DNAAF4: variants seen among roughly 807,000 people sequenced by gnomAD.
DNAAF4 encodes dynein assembly factor 4, axonemal.
A neutral mutation model predicts 51.8 loss-of-function variants in DNAAF4; 43 were observed. The ratio of observed to expected loss-of-function variants is 0.83; its 90% CI spans 0.65 to 1.07. The LOEUF is 1.07. DNAAF4 is among the 50% of genes least tolerant of loss of function. DNAAF4 has a pLI of 0.00. For synonymous variants in DNAAF4, 194 were observed against 165.6 expected (o/e 1.17, Z -1.32); for missense variants, 581 against 493.0 (o/e 1.18, Z -1.69).
In DNAAF4 at chr15:55,498,421, C is replaced by T; in HGVS notation, c.-92G>A. The T allele has an allele frequency of 6.6e-7, 1 of 1,505,954 alleles. No homozygotes were observed. 93.3% of individuals were successfully genotyped at this position (1,505,954 alleles called of 1,614,324 possible). Reference sequence around the variant, plus strand: ...CTGGGGTTACCATGCGCCAGCCCTTCCGGGTCAGGCCGGCCGGGAGCCCGG... The same window carrying T: ...CTGGGGTTACCATGCGCCAGCCCTTTCGGGTCAGGCCGGCCGGGAGCCCGG... On this transcript the variant is annotated 5_prime_UTR_variant, in exon 2 of 10. Transcript: ENST00000321149.
chr15:55,458,256 G>A (rs2058047844), intron 5 of DNAAF4, among the ~76,000 whole-genome samples: 1 of 152,138 alleles, frequency 6.6e-6, no homozygotes, highest in Admixed American at 6.6e-5. Context: ...GGCACTAGAG[G>A]AAGGTGAAAA....
At chr15:55,427,301 C>T (rs182324072), downstream of DNAAF4, among the ~76,000 whole-genome samples, 6 of 152,202 alleles carry the variant, frequency 3.9e-5, no homozygotes, top group African/African-American at 1.2e-4. Context: ...CTCCTGGCCT[C>T]GTGATCCACT....
Position 55,430,631 on chromosome 15 carries a change from A to G in DNAAF4, c.*39T>C. On this transcript the variant is annotated 3_prime_UTR_variant, in exon 10 of 10. Transcript: ENST00000321149. ...TACAAAGATGCCTCCAGTTGTTTTT[A>G]AAAAACTTATAACAATACTTAGTTA... The G allele has an allele frequency of 6.3e-7, 1 of 1,594,858 alleles. No homozygotes were observed. The highest frequency in any genetic ancestry group is 8.5e-7 in the Non-Finnish European group (1 of 1,171,690).
chr15:55,459,279 T>G (rs542497067), intron 5 of DNAAF4, among the ~76,000 whole-genome samples: 3 of 152,190 alleles, frequency 2.0e-5, no homozygotes, highest in African/African-American at 7.2e-5. Context: ...AGAGGCGAGA[T>G]AAAGTCTTTT....
In DNAAF4 at chr15:55,473,305, ATGTGTGTATATATG is replaced by A. The variant is rs1320273400; in HGVS notation, c.406-6158_406-6145del. On this transcript the variant is annotated intron_variant, in intron 4 of 9. Coordinates refer to ENST00000321149, the MANE Select transcript of DNAAF4 (RefSeq NM_130810.4). The stretch of plus-strand genomic sequence containing the variant: ...TATGTGTATATATATGTGTATATAT[ATGTGTGTATATATG>A]TGTGTATATATATGTGTGTATATAT... 1.0e-3 allele frequency among the ~76,000 whole-genome samples: 143 copies of A among 141,260 alleles called. 3 individuals are homozygous for A. The highest frequency in any genetic ancestry group is 3.4e-3 in the African/African-American group (128 of 37,824). The allele number at this position is 141,260 out of a possible 152,430, so 92.7% of individuals were successfully genotyped here. A position where few individuals can be genotyped will look rare whatever the true frequency, so the allele number is the denominator to read the frequency against.
At chr15:55,493,610 G>C (rs998381774) in intron 3 of DNAAF4, among the ~76,000 whole-genome samples, 6 of 152,270 alleles carry the variant, frequency 3.9e-5, no homozygotes, top group East Asian at 1.9e-4. Flanking sequence ...TAATGAGGTA[G>C]ACAGTCTACG....
At chr15:55,442,793 T>C (rs1458804889) in intron 6 of DNAAF4, 5 of 1,608,526 alleles carry the variant, frequency 3.1e-6, no homozygotes, top group Non-Finnish European at 3.4e-6. Flanking sequence ...CAAAGAGGGA[T>C]AGGTCTTTTA....
intron 4 of DNAAF4, among the ~76,000 whole-genome samples, chr15:55,488,253 C>T (rs2058520833): frequency 6.6e-6 from 1 of 151,952 alleles, no homozygotes; most frequent in African/African-American, 2.4e-5. Context: ...GTTAGGGTAG[C>T]CCAAGCAGAA....
At chr15:55,437,100 A>G in intron 7 of DNAAF4, among the ~76,000 whole-genome samples, 1 of 152,138 alleles carries the variant, frequency 6.6e-6, no homozygotes, top group Non-Finnish European at 1.5e-5. Flanking sequence ...TACAGGCGTG[A>G]GCCACCGCAC....
chr15:55,446,259 CG>C (rs2057807928), intron 6 of DNAAF4, among the ~76,000 whole-genome samples: 1 of 99,438 alleles, frequency 1.0e-5, no homozygotes, highest in Non-Finnish European at 1.9e-5. Context: ...ACCTCCTAGA[CG>C]GGGCGGCCGG....
At chr15:55,431,354 G>A (rs942259996) in intron 9 of DNAAF4, among the ~76,000 whole-genome samples, 1 of 102,800 alleles carries the variant, frequency 9.7e-6, no homozygotes, top group East Asian at 2.8e-4. Context: ...GCTTAGGTGT[G>A]TGTATACACA....
At chr15:55,477,559 A>G (rs1210193030) in intron 4 of DNAAF4, among the ~76,000 whole-genome samples, 2 of 152,100 alleles carry the variant, frequency 1.3e-5, no homozygotes, top group East Asian at 1.9e-4. Context: ...CCTGAAGTAG[A>G]TTGTGATCAG....
At chr15:55,481,579 T>C (rs2058411015) in intron 4 of DNAAF4, among the ~76,000 whole-genome samples, 1 of 152,182 alleles carries the variant, frequency 6.6e-6, no homozygotes, top group Admixed American at 6.5e-5. Flanking sequence ...AGTCACCCTC[T>C]CTCCACTAGA....
At chr15:55,441,502 G>A (rs577223482) in intron 6 of DNAAF4, among the ~76,000 whole-genome samples, 2 of 152,094 alleles carry the variant, frequency 1.3e-5, no homozygotes, top group East Asian at 3.9e-4. Flanking sequence ...CCATGTTGGT[G>A]TGCTGCACCC....
chr15:55,435,835 C>A (rs1183743885), intron 7 of DNAAF4, among the ~76,000 whole-genome samples: 1 of 152,166 alleles, frequency 6.6e-6, no homozygotes, highest in African/African-American at 2.4e-5. Context: ...GTTGCCCAGG[C>A]TGGAGTGCAA....
At chr15:55,446,799 G>GGT in intron 6 of DNAAF4, among the ~76,000 whole-genome samples, 1 of 142,934 alleles carries the variant, frequency 7.0e-6, no homozygotes, top group Non-Finnish European at 1.5e-5. Context: ...CATCCCAGAT[G>GGT]GGGCGGCCGG....
At chr15:55,422,489 T>A (rs2057397006) in intron 7 of DNAAF4, among the ~76,000 whole-genome samples, 1 of 151,464 alleles carries the variant, frequency 6.6e-6, no homozygotes, top group African/African-American at 2.4e-5. Flanking sequence ...CATTTAGAGG[T>A]CAAGGCAAAG....
intron 4 of DNAAF4, among the ~76,000 whole-genome samples, chr15:55,486,563 C>CCTTA (rs1426517422): frequency 1.3e-5 from 2 of 151,996 alleles, no homozygotes; most frequent in African/African-American, 4.8e-5. Context: ...TTTTCCAGAT[C>CCTTA]CTTAGATATC....
chr15:55,435,573 A>G (rs1165171375), intron 7 of DNAAF4, among the ~76,000 whole-genome samples: 1 of 152,218 alleles, frequency 6.6e-6, no homozygotes, highest in Non-Finnish European at 1.5e-5. Context: ...TTCATGATAC[A>G]GTTAAGCTGC....
Sources: gnomAD v4.1 joint callset for allele counts (sites outside exome capture counted in the v4.1 genomes callset) on GRCh38, gnomAD v4.1.1 for gene constraint, MANE v1.5 for transcripts, NCBI Gene and HGNC (gene_info 2026-07-23, HGNC 2026-07-21) for gene names.